The following NDUFAF7 variants were observed in gnomAD, a reference collection of about 807,000 sequenced individuals.
NDUFAF7 encodes NADH:ubiquinone oxidoreductase complex assembly factor 7, also known as protein arginine methyltransferase NDUFAF7, mitochondrial.
In NDUFAF7, 48 loss-of-function variants were observed where a neutral mutation model predicts 47.2. The ratio of observed to expected loss-of-function variants is 1.02; its 90% CI spans 0.81 to 1.29. The LOEUF is 1.29. NDUFAF7 is among the 50% of genes most tolerant of loss of function. The pLI is 0.00. For synonymous variants in NDUFAF7, 217 were observed against 190.0 expected (o/e 1.14, Z -1.17); for missense variants, 635 against 537.6 (o/e 1.18, Z -1.79).
At position 37,248,467 on chromosome 2, in the gene NDUFAF7, C is replaced by G. The variant is rs534940403; in HGVS notation, c.*117C>G. 10 of 1,023,522 alleles carry G rather than the reference C, an allele frequency of 9.8e-6. No homozygotes were observed. In the African/African-American group the frequency reaches 1.4e-4, roughly 15 times the overall value. The allele number at this position is 1,023,522 out of a possible 1,614,324, so 63.4% of individuals were successfully genotyped here. A position where few individuals can be genotyped will look rare whatever the true frequency, so the allele number is the denominator to read the frequency against. On this transcript the variant is annotated 3_prime_UTR_variant, in exon 10 of 10. Coordinates refer to ENST00000002125, the MANE Select transcript of NDUFAF7 (RefSeq NM_144736.5). ...GTATTTTATCTTTTCACAGCAAGAA[C>G]AGTCCATGTTGTATATAATACAACC...
At chr2:37,235,532 G>A (rs1665662214) in intron 2 of NDUFAF7, among the ~76,000 whole-genome samples, 1 of 152,064 alleles carries the variant, frequency 6.6e-6, no homozygotes, top group Non-Finnish European at 1.5e-5. Context: ...AGAGATGGAC[G>A]TTACATGACT....
chr2:37,241,015 G>A (rs1011982928), intron 4 of NDUFAF7, among the ~76,000 whole-genome samples: 4 of 152,070 alleles, frequency 2.6e-5, no homozygotes, highest in Admixed American at 2.6e-4. Flanking sequence ...TTATGCTTTT[G>A]CTATTGATTT....
At chr2:37,262,673 A>G in the NDUFAF7 span, among the ~76,000 whole-genome samples, 2 of 138,172 alleles carry the variant, frequency 1.4e-5, no homozygotes, top group Non-Finnish European at 3.0e-5. Flanking sequence ...GGCTGGCTCT[A>G]TGCTTTTTCC....
chr2:37,241,253 T>G (rs1277108495), intron 4 of NDUFAF7, among the ~76,000 whole-genome samples: 1 of 152,230 alleles, frequency 6.6e-6, no homozygotes, highest in Non-Finnish European at 1.5e-5. Context: ...ATCAAGGCTG[T>G]GTACATTTTA....
rs17409514 is a variant in NDUFAF7, at chr2:37,241,694, G to C, written c.525G>C (p.Pro175=). 6 of 1,613,816 alleles carry C rather than the reference G, an allele frequency of 3.7e-6. No individual in the cohort carries two copies. The highest frequency in any genetic ancestry group is 2.2e-5 in the East Asian group (1 of 44,862). Residue 175 remains proline (P), a synonymous_variant, in exon 5 of 10, where the codon CCG becomes CCC. Coordinates refer to ENST00000002125, the MANE Select transcript of NDUFAF7 (RefSeq NM_144736.5). ...QALTLTKEKV[P]LERNAGSPVY... The stretch of plus-strand genomic sequence containing the variant: ...TGACACTGACTAAAGAGAAGGTCCC[G>C]TTAGAGCGAAATGCTGGATCCCCAG...
the NDUFAF7 span, among the ~76,000 whole-genome samples, chr2:37,264,331 C>G: frequency 4.7e-4 from 72 of 152,228 alleles, no homozygotes; most frequent in East Asian, 0.012. Flanking sequence ...TAAGAATTTG[C>G]CGTGTACCCA....
intron 4 of NDUFAF7, among the ~76,000 whole-genome samples, chr2:37,239,658 C>T (rs762308072): frequency 5.9e-5 from 9 of 152,086 alleles, no homozygotes; most frequent in East Asian, 1.9e-4. Context: ...CAGTGGAATA[C>T]GAAGTACTGC....
downstream of NDUFAF7, chr2:37,252,175 GC>G (rs1667553954): frequency 6.6e-6 from 1 of 152,132 alleles, no homozygotes; most frequent in Admixed American, 6.5e-5. Context: ...AGCCCAATAG[GC>G]TAGGGGAAGG....
chr2:37,270,154 G>C, the NDUFAF7 span, among the ~76,000 whole-genome samples: 1 of 152,004 alleles, frequency 6.6e-6, no homozygotes, highest in African/African-American at 2.4e-5. Context: ...TTGAACCCAG[G>C]AGGCAGAGGT....
At chr2:37,233,648 T>A (rs1199601780) in intron 2 of NDUFAF7, among the ~76,000 whole-genome samples, 1 of 147,622 alleles carries the variant, frequency 6.8e-6, no homozygotes, top group Non-Finnish European at 1.5e-5. Context: ...AAAGTGAGCC[T>A]GGTGTTCAGA....
downstream of NDUFAF7, chr2:37,251,534 C>T (rs982141150): frequency 3.3e-5 from 5 of 152,234 alleles, no homozygotes; most frequent in Non-Finnish European, 7.4e-5. Flanking sequence ...ACTATTCTTT[C>T]AAGGATATTT....
At chr2:37,260,934 A>G in the NDUFAF7 span, among the ~76,000 whole-genome samples, 1 of 152,218 alleles carries the variant, frequency 6.6e-6, no homozygotes, top group African/African-American at 2.4e-5. Flanking sequence ...GGAGATACAC[A>G]AAGATGAATG....
At chr2:37,251,672 G>C (rs943669971), downstream of NDUFAF7, 1 of 151,596 alleles carries the variant, frequency 6.6e-6, no homozygotes, top group African/African-American at 2.4e-5. Context: ...CACTTTCCTA[G>C]TTTTTAGTTT....
At chr2:37,267,462 T>C in the NDUFAF7 span, 1 of 1,609,910 alleles carries the variant, frequency 6.2e-7, no homozygotes, top group Non-Finnish European at 8.5e-7. Context: ...CGGAGTTGAC[T>C]TTCTTGTTTT....
chr2:37,236,264 CT>C (rs1223723858), intron 3 of NDUFAF7, 88 bp downstream of exon 3: 8 of 1,169,214 alleles, frequency 6.8e-6, no homozygotes, highest in African/African-American at 1.5e-5. Flanking sequence ...TGTTCTACAG[CT>C]TTTTTTGTGA....
chr2:37,241,984 A>G (rs1666399023), intron 5 of NDUFAF7, 193 bp downstream of exon 5: 3 of 595,788 alleles, frequency 5.0e-6, no homozygotes, highest in Admixed American at 3.1e-5. Flanking sequence ...ATTAAGTAGT[A>G]GTTTATTTCA....
chr2:37,237,040 G>A (rs1282099915), intron 3 of NDUFAF7, among the ~76,000 whole-genome samples: 1 of 151,890 alleles, frequency 6.6e-6, no homozygotes, highest in Non-Finnish European at 1.5e-5. Flanking sequence ...GCGCAATCTC[G>A]GCTCACTGTA....
chr2:37,256,634 T>TAA (rs1667969631), downstream of NDUFAF7: 1 of 414,942 alleles, frequency 2.4e-6, no homozygotes. Flanking sequence ...CAAAATTTTT[T>TAA]TTTTTTTTTT....
At chr2:37,255,282 A>T (rs1189184374), downstream of NDUFAF7, among the ~76,000 whole-genome samples, 1 of 149,460 alleles carries the variant, frequency 6.7e-6, no homozygotes, top group African/African-American at 2.5e-5. Context: ...ATATTAGTTA[A>T]TCCTATGATT....
Sources: allele counts gnomAD v4.1 joint callset (sites outside exome capture counted in the v4.1 genomes callset), GRCh38; gene constraint gnomAD v4.1.1; transcripts MANE v1.5; gene names NCBI Gene and HGNC (gene_info 2026-07-23, HGNC 2026-07-21).